The following DCAF8L2 variants were observed in gnomAD, a reference collection of about 807,000 sequenced individuals.
DCAF8L2 encodes the protein DDB1 and CUL4 associated factor 8 like 2.
For synonymous variants in DCAF8L2, 200 were observed against 190.9 expected, an observed-to-expected ratio of 1.05 and a Z score of -0.39; for missense variants, 430 against 490.7, an observed-to-expected ratio of 0.88 and a Z score of 1.17.
At chrX:27,499,840 G>GT in the DCAF8L2 span, among the ~76,000 whole-genome samples, 4 of 108,478 alleles carry the variant, frequency 3.7e-5, no homozygotes, top group East Asian at 8.6e-4. Flanking sequence ...TGGTGGTGGG[G>GT]GGGGGTACAG....
chrX:27,542,414 T>G, the DCAF8L2 span, among the ~76,000 whole-genome samples: 3 of 111,038 alleles, frequency 2.7e-5, no homozygotes, highest in African/African-American at 9.8e-5. Context: ...TGAGATGGTA[T>G]CTCATTGTGG....
At chrX:27,521,784 G>A in the DCAF8L2 span, among the ~76,000 whole-genome samples, 163 of 111,375 alleles carry the variant, frequency 1.5e-3, no homozygotes, top group African/African-American at 4.9e-3. Flanking sequence ...ATTAGAAAAT[G>A]CGTCTATATT....
chrX:27,503,604 T>C, the DCAF8L2 span, among the ~76,000 whole-genome samples: 2,583 of 111,207 alleles, frequency 0.023, 87 homozygotes, highest in African/African-American at 0.08. Context: ...ATTGGACATA[T>C]TGGTGTGGGT....
the DCAF8L2 span, among the ~76,000 whole-genome samples, chrX:27,470,445 A>G: frequency 8.9e-6 from 1 of 112,098 alleles, no homozygotes; most frequent in Non-Finnish European, 1.9e-5. Context: ...CTTAGTTCTG[A>G]TTGATTGATC....
chrX:27,716,452 AG>A (rs1223248703), intron 4 of DCAF8L2, among the ~76,000 whole-genome samples: 1 of 112,774 alleles, frequency 8.9e-6, no homozygotes, highest in African/African-American at 3.2e-5. Flanking sequence ...AAGCACAAAA[AG>A]AAATCTTGTC....
the DCAF8L2 span, among the ~76,000 whole-genome samples, chrX:27,476,131 G>A: frequency 4.5e-5 from 5 of 110,428 alleles, no homozygotes; most frequent in Non-Finnish European, 9.5e-5. Flanking sequence ...AGAGGAGAAA[G>A]GATTGCAACT....
intron 4 of DCAF8L2, among the ~76,000 whole-genome samples, chrX:27,734,996 A>G (rs1455335199): frequency 3.6e-5 from 4 of 112,080 alleles, no homozygotes; most frequent in East Asian, 2.8e-4. Flanking sequence ...CATAAACACT[A>G]TAGTTTTAAT....
At chrX:27,560,267 CAAA>C in the DCAF8L2 span, among the ~76,000 whole-genome samples, 9 of 81,422 alleles carry the variant, frequency 1.1e-4, no homozygotes, top group African/African-American at 4.6e-5. Context: ...ATATCCATCT[CAAA>C]AAAAAAAAAA....
At chrX:27,475,723 A>AG in the DCAF8L2 span, among the ~76,000 whole-genome samples, 1 of 111,304 alleles carries the variant, frequency 9.0e-6, no homozygotes, top group Non-Finnish European at 1.9e-5. Context: ...ATATCAGAAA[A>AG]TGGATTTCAT....
chrX:27,528,501 T>TATATATACAC, the DCAF8L2 span, among the ~76,000 whole-genome samples: 1 of 100,258 alleles, frequency 1.0e-5, no homozygotes, highest in Non-Finnish European at 2.0e-5. Context: ...TATATATATA[T>TATATATACAC]ACACACACAC....
At chrX:27,541,841 C>A in the DCAF8L2 span, among the ~76,000 whole-genome samples, 3 of 111,191 alleles carry the variant, frequency 2.7e-5, no homozygotes, top group Admixed American at 2.9e-4. Context: ...CTGCCTCCCT[C>A]CTTCTCTCCC....
chrX:27,711,387 G>T (rs1284514333), intron 3 of DCAF8L2, among the ~76,000 whole-genome samples: 15 of 95,180 alleles, frequency 1.6e-4, no homozygotes, highest in Admixed American at 1.5e-3. Flanking sequence ...ATGTGTGTGT[G>T]TGTGTGTGTA....
At chrX:27,556,553 A>G in the DCAF8L2 span, among the ~76,000 whole-genome samples, 12 of 112,106 alleles carry the variant, frequency 1.1e-4, no homozygotes, top group African/African-American at 3.6e-4. Flanking sequence ...ATTCTCACTC[A>G]TGCAGAAAAG....
At chrX:27,703,258 A>G (rs747139016) in intron 3 of DCAF8L2, among the ~76,000 whole-genome samples, 10 of 111,240 alleles carry the variant, frequency 9.0e-5, no homozygotes, top group South Asian at 3.7e-4. Flanking sequence ...TAAGATAGCA[A>G]TGTTTCCCAA....
chrX:27,697,577 T>G (rs1930971836), intron 3 of DCAF8L2, among the ~76,000 whole-genome samples: 1 of 111,544 alleles, frequency 9.0e-6, no homozygotes, highest in Non-Finnish European at 1.9e-5. Flanking sequence ...AATAGATAAA[T>G]TTTACCTAGT....
At chrX:27,660,688 G>T (rs748652667) in intron 2 of DCAF8L2, among the ~76,000 whole-genome samples, 6 of 112,060 alleles carry the variant, frequency 5.4e-5, no homozygotes, top group African/African-American at 1.9e-4. Flanking sequence ...CCAGTCCTTG[G>T]CCTTCTGGGC....
the DCAF8L2 span, among the ~76,000 whole-genome samples, chrX:27,514,695 A>C: frequency 1.3e-5 from 1 of 75,478 alleles, no homozygotes; most frequent in Non-Finnish European, 2.3e-5. Flanking sequence ...AAAAAAAAAA[A>C]CAAAAAAAAA....
At chrX:27,722,292 G>T (rs966786764) in intron 4 of DCAF8L2, among the ~76,000 whole-genome samples, 2 of 111,367 alleles carry the variant, frequency 1.8e-5, no homozygotes, top group Non-Finnish European at 3.8e-5. Context: ...GATGAATCTC[G>T]ACTTACAATG....
At chrX:27,619,862 G>T (rs1417891149) in intron 1 of DCAF8L2, among the ~76,000 whole-genome samples, 3 of 109,304 alleles carry the variant, frequency 2.7e-5, no homozygotes, top group African/African-American at 1.0e-4. Flanking sequence ...AAGAAATATA[G>T]GTAAAGTAAA....
Sources: gnomAD v4.1 joint callset for allele counts (sites outside exome capture counted in the v4.1 genomes callset) on GRCh38, gnomAD v4.1.1 for gene constraint, MANE v1.5 for transcripts, NCBI Gene and HGNC (gene_info 2026-07-23, HGNC 2026-07-21) for gene names.